The following CHST8 variants were observed in gnomAD, a reference collection of about 807,000 sequenced individuals.
CHST8 encodes GALNAC-4-ST1.
A neutral mutation model predicts 15.0 loss-of-function variants in CHST8; 10 were observed. The ratio of observed to expected loss-of-function variants is 0.67; its 90% CI spans 0.41 to 1.13. The LOEUF (loss-of-function observed/expected upper bound fraction) is 1.13, where lower values mean the gene tolerates loss of function less well. Ranked by LOEUF, CHST8 falls within the 50% of genes most tolerant of loss-of-function variation. CHST8 has a pLI of 0.00. For missense variants in CHST8, 634 were observed against 608.2 expected, an observed-to-expected ratio of 1.04 and a Z score of -0.45; for synonymous variants, 259 against 256.6, an observed-to-expected ratio of 1.01 and a Z score of -0.09.
rs577937367 is a variant in CHST8 at position 33,688,012 on chromosome 19, TC to T, written c.-86-1161del. 2.6e-3 allele frequency among the ~76,000 whole-genome samples: 389 copies of T among 152,268 alleles called. 1 individual carries two copies. The highest frequency in any genetic ancestry group is 7.7e-3 in the African/African-American group (321 of 41,564). Reference sequence around the variant, plus strand: ...CTGACCTGTGCCAGGGTGGGGATGTTCCCTCCAGCGCTCTTGGGTGGAAAAA... The same window carrying T: ...CTGACCTGTGCCAGGGTGGGGATGTTCCTCCAGCGCTCTTGGGTGGAAAAA... On this transcript the variant is annotated intron_variant, in intron 2 of 4. Coordinates refer to ENST00000650847, the MANE Select transcript of CHST8 (RefSeq NM_001127895.2).
At chr19:33,771,303 C>T in intron 3 of CHST8, 110 bp from the exon 4 acceptor site, 1 of 1,085,158 alleles carries the variant, frequency 9.2e-7, no homozygotes, top group Non-Finnish European at 1.4e-6. Flanking sequence ...CTAGAGCCTA[C>T]CCCAAGATCC....
At chr19:33,723,015 C>T (rs62103467) in intron 3 of CHST8, among the ~76,000 whole-genome samples, 5,755 of 152,312 alleles carry the variant, frequency 0.038, 128 homozygotes, top group African/African-American at 0.04. Flanking sequence ...AAGAAGACAA[C>T]GTCAGAGGCT....
At chr19:33,724,486 GCC>G (rs1342474267) in intron 3 of CHST8, among the ~76,000 whole-genome samples, 1 of 152,234 alleles carries the variant, frequency 6.6e-6, no homozygotes, top group Non-Finnish European at 1.5e-5. Flanking sequence ...GGGGCTGGCA[GCC>G]GGGCTGCTCT....
chr19:33,746,940 G>A (rs979865523), intron 3 of CHST8, among the ~76,000 whole-genome samples: 10 of 152,226 alleles, frequency 6.6e-5, no homozygotes, highest in South Asian at 6.2e-4. Context: ...AAATCAGGGC[G>A]ATGGTAATTG....
At chr19:33,765,513 T>TTGTGTGTGTGTGTGTG (rs61673440) in intron 3 of CHST8, among the ~76,000 whole-genome samples, 19 of 131,720 alleles carry the variant, frequency 1.4e-4, no homozygotes, top group Non-Finnish European at 2.2e-4. Context: ...ATGCCAGTCT[T>TTGTGTGTGTGTGTGTG]TGTGTGTGTG....
At chr19:33,721,277 A>G (rs1973784628) in intron 3 of CHST8, among the ~76,000 whole-genome samples, 1 of 152,120 alleles carries the variant, frequency 6.6e-6, no homozygotes, top group Non-Finnish European at 1.5e-5. Context: ...GCCAACTCAC[A>G]TTCCTCCAGT....
chr19:33,768,383 T>C (rs1165782934), intron 3 of CHST8, among the ~76,000 whole-genome samples: 2 of 152,218 alleles, frequency 1.3e-5, no homozygotes, highest in Non-Finnish European at 2.9e-5. Flanking sequence ...GAGACCAGCC[T>C]GGACAACATA....
intron 3 of CHST8, among the ~76,000 whole-genome samples, chr19:33,734,407 T>C (rs1280999480): frequency 1.3e-5 from 2 of 152,246 alleles, no homozygotes; most frequent in African/African-American, 2.4e-5. Context: ...GCTTTCACTT[T>C]ACTCTATGAA....
chr19:33,707,443 T>C (rs1041044443), intron 3 of CHST8, among the ~76,000 whole-genome samples: 2 of 152,208 alleles, frequency 1.3e-5, no homozygotes, highest in Non-Finnish European at 2.9e-5. Context: ...CCCAGGCAAC[T>C]ACAAATCTCC....
At position 33,772,549 on chromosome 19, in the gene CHST8, T is replaced by A; in HGVS notation, c.761T>A (p.Met254Lys). 6.2e-7 allele frequency: 1 copy of A among 1,614,098 alleles called. No individual in the cohort carries two copies. The highest frequency in any genetic ancestry group is 8.5e-7 in the Non-Finnish European group (1 of 1,180,030). Residue 254 changes from methionine to lysine, a missense_variant, in exon 5 of 5, where the codon ATG becomes AAG. Met to Lys is a moderately conservative substitution (Grantham distance 95). Coordinates refer to ENST00000650847, the MANE Select transcript of CHST8 (RefSeq NM_001127895.2). ...CACCGTCTCAGCACCTACACCAAGA[T>A]GCTCTTTGTCCGCGAGCCCTTCGAG... ...ILHRLSTYTK[M>K]LFVREPFERL...
At chr19:33,653,932 G>A (rs900859389) in intron 1 of CHST8, among the ~76,000 whole-genome samples, 1 of 152,158 alleles carries the variant, frequency 6.6e-6, no homozygotes, top group Non-Finnish European at 1.5e-5. Flanking sequence ...GATCCGGAAG[G>A]ACCCTGCCTT....
intron 3 of CHST8, among the ~76,000 whole-genome samples, chr19:33,764,097 C>G (rs2145383655): frequency 6.6e-6 from 1 of 152,330 alleles, no homozygotes; most frequent in Non-Finnish European, 1.5e-5. Flanking sequence ...CCAGCCAGAA[C>G]CCTGGGCCCA....
At chr19:33,744,070 C>T (rs1273112247) in intron 3 of CHST8, among the ~76,000 whole-genome samples, 1 of 152,218 alleles carries the variant, frequency 6.6e-6, no homozygotes, top group African/African-American at 2.4e-5. Flanking sequence ...GGATTACAGG[C>T]ATGAGCCCCC....
chr19:33,754,382 G>C (rs1268556877), intron 3 of CHST8, among the ~76,000 whole-genome samples: 2 of 151,808 alleles, frequency 1.3e-5, no homozygotes, highest in Non-Finnish European at 2.9e-5. Context: ...TCTAGGCTGC[G>C]GGGCTCTTCC....
chr19:33,759,405 C>A (rs73035192), intron 3 of CHST8, among the ~76,000 whole-genome samples: 27,082 of 152,214 alleles, frequency 0.18, 2,664 homozygotes, highest in Middle Eastern at 0.23. Flanking sequence ...CCCATTTAAC[C>A]CACCAGGCAT....
intron 1 of CHST8, among the ~76,000 whole-genome samples, chr19:33,647,100 A>G (rs1380568742): frequency 2.0e-5 from 3 of 152,204 alleles, no homozygotes; most frequent in East Asian, 1.9e-4. Context: ...CAGAGATAAT[A>G]CATTTGGGAG....
intron 1 of CHST8, among the ~76,000 whole-genome samples, chr19:33,644,208 C>T (rs775003555): frequency 2.0e-5 from 3 of 152,146 alleles, no homozygotes; most frequent in Non-Finnish European, 2.9e-5. Context: ...GCTGGGATTA[C>T]AGGCATGAGC....
chr19:33,675,695 C>T (rs1342367802), intron 2 of CHST8, among the ~76,000 whole-genome samples: 2 of 152,202 alleles, frequency 1.3e-5, no homozygotes, highest in African/African-American at 4.8e-5. Flanking sequence ...AGTCATCAGC[C>T]AGGGCTGCCG....
chr19:33,709,387 T>G (rs1388131801), intron 3 of CHST8, among the ~76,000 whole-genome samples: 1 of 152,138 alleles, frequency 6.6e-6, no homozygotes, highest in Non-Finnish European at 1.5e-5. Flanking sequence ...TTCAGGAAAT[T>G]GTCTTCTATT....
Sources: gnomAD v4.1 joint callset for allele counts (sites outside exome capture counted in the v4.1 genomes callset) on GRCh38, gnomAD v4.1.1 for gene constraint, MANE v1.5 for transcripts, NCBI Gene and HGNC (gene_info 2026-07-23, HGNC 2026-07-21) for gene names.